CFHR4: variants seen among roughly 807,000 people sequenced by gnomAD.
The protein encoded by CFHR4 is complement factor H-related protein 4.
CFHR4 carries 64 observed loss-of-function variants against 69.3 expected under a neutral mutation model. That is an observed-to-expected ratio of 0.92 (90% confidence interval 0.76 to 1.14). The LOEUF is 1.14. Among genes scored for constraint, CFHR4 ranks in the 50% most tolerant of loss-of-function variants. The pLI, the probability that CFHR4 is intolerant of heterozygous loss-of-function variation, is 0.00. For missense variants in CFHR4, 636 were observed against 684.9 expected (o/e 0.93, Z 0.80); for synonymous variants, 244 against 237.0 (o/e 1.03, Z -0.27).
At chr1:196,901,100 G>T (rs1470622957) in intron 1 of CFHR4, among the ~76,000 whole-genome samples, 1 of 151,520 alleles carries the variant, frequency 6.6e-6, no homozygotes, top group Non-Finnish European at 1.5e-5. Flanking sequence ...TGACAAGACA[G>T]ATTTTATTTG....
At chr1:196,900,690 A>C (rs1243011541) in intron 1 of CFHR4, among the ~76,000 whole-genome samples, 1 of 151,476 alleles carries the variant, frequency 6.6e-6, no homozygotes, top group African/African-American at 2.4e-5. Flanking sequence ...ATCTATGTTG[A>C]AGTATCATAA....
At chr1:196,892,249 A>G (rs149657619) in intron 1 of CFHR4, among the ~76,000 whole-genome samples, 1 of 151,698 alleles carries the variant, frequency 6.6e-6, no homozygotes, top group African/African-American at 2.4e-5. Flanking sequence ...TAAGTGGAGC[A>G]ATAAAATGAC....
At position 196,901,334 on chromosome 1, in the gene CFHR4, G is replaced by A. The variant is rs115327042; in HGVS notation, c.59-1084G>A. ...ATCTATACCTAGAGAAGTTACTCAC[G>A]TATCTTTTAAATGAAGATACTTAAG... On this transcript the variant is annotated intron_variant, in intron 1 of 9. Transcript: ENST00000608469. Among the ~76,000 whole-genome samples, 881 of 151,008 alleles carry A rather than the reference G, an allele frequency of 5.8e-3. 48 individuals are homozygous for A. The highest frequency in any genetic ancestry group is 0.021 in the African/African-American group (846 of 40,988).
intron 3 of CFHR4, among the ~76,000 whole-genome samples, chr1:196,906,570 T>C (rs370020047): frequency 2.3e-4 from 35 of 151,634 alleles, no homozygotes; most frequent in East Asian, 2.1e-3. Flanking sequence ...AGGTAGACTG[T>C]AATAACAGTC....
chr1:196,908,100 C>G (rs1351979654), intron 5 of CFHR4, among the ~76,000 whole-genome samples: 1 of 151,224 alleles, frequency 6.6e-6, no homozygotes, highest in African/African-American at 2.4e-5. Context: ...GATGTGGGAA[C>G]TGAACAAGGA....
rs1449272762 is a variant in CFHR4, at chr1:196,916,753, CA to C, written c.1541-1453del. ...GACACTCCTAAGATGGGTTTCACAG[CA>C]AAAGCATTACCTCTTCTCACAATCA... On this transcript the variant is annotated intron_variant, in intron 9 of 9. Transcript: ENST00000608469. 7.9e-5 allele frequency among the ~76,000 whole-genome samples: 12 copies of C among 151,524 alleles called. 1 individual carries two copies. Among genetic ancestry groups the C allele is most frequent in the African/African-American group, 2.9e-4 (12 of 41,120 alleles).
chr1:196,902,608 A>G lies in CFHR4; in HGVS notation c.249A>G (p.Pro83=). 1 of 1,607,700 alleles carries G rather than the reference A, an allele frequency of 6.2e-7. No individual in the cohort carries two copies. Among genetic ancestry groups the G allele is most frequent in the Non-Finnish European group, 8.5e-7 (1 of 1,175,382 alleles). The change falls in exon 2 of 10, where the codon CCA becomes CCG. Residue 83 remains proline (P), a synonymous_variant. Transcript: ENST00000608469. ...AAGATGGTTGGTCACCAACGGTCCC[A>G]TGCCTCAGTAAGTAAACCTCTTTAC... ...CTQDGWSPTV[P]CLRTCSKSDV... is the part of the protein sequence containing the mutation.
chr1:196,910,580 C>A, intron 6 of CFHR4, 102 bp downstream of exon 6: 1 of 963,650 alleles, frequency 1.0e-6, no homozygotes, highest in Non-Finnish European at 1.6e-6. Context: ...AGAGATGGTA[C>A]CAAAGGAAGA....
rs756672394 is a variant in CFHR4 at position 196,907,412 on chromosome 1, A to C, written c.713A>C (p.Tyr238Ser). 39 of 1,611,952 alleles carry C rather than the reference A, an allele frequency of 2.4e-5. No homozygotes were observed. Among genetic ancestry groups the C allele is most frequent in the Non-Finnish European group, 3.1e-5 (37 of 1,179,064 alleles). ...TATCTGCCATGGTCAAGAGTCGAGT[A>C]CCAGTGCCAGTCCTACTATGAACTT... Reference protein sequence around the residue: ...KVYLPWSRVEYQCQSYYELQG... With the variant: ...KVYLPWSRVESQCQSYYELQG... The change falls in exon 5 of 10, where the codon TAC (tyrosine) becomes TCC (serine). Residue 238 changes from tyrosine to serine, a missense_variant. Tyr to Ser is a moderately radical substitution (Grantham distance 144, BLOSUM62 -2). Around this residue, in one of 3 missense-constraint regions of CFHR4, gnomAD observed 529 missense variants for 533.2 expected, o/e 0.99. Coordinates refer to ENST00000608469, the MANE Select transcript of CFHR4 (RefSeq NM_001201550.3).
chr1:196,913,929 A>G (rs772852520), intron 7 of CFHR4, among the ~76,000 whole-genome samples: 1 of 151,552 alleles, frequency 6.6e-6, no homozygotes, highest in Admixed American at 6.6e-5. Flanking sequence ...TTCAATTTCT[A>G]TGCTTATCAT....
intron 9 of CFHR4, among the ~76,000 whole-genome samples, chr1:196,916,901 G>T (rs1658668639): frequency 1.3e-5 from 2 of 151,476 alleles, no homozygotes; most frequent in African/African-American, 4.9e-5. Flanking sequence ...TAGGGAAAAA[G>T]GCAACCTTAT....
At position 196,897,304 on chromosome 1, in the gene CFHR4, A is replaced by G. The variant is rs1277514914; in HGVS notation, c.59-5114A>G. On this transcript the variant is annotated intron_variant, in intron 1 of 9. Transcript: ENST00000608469. ...TGCTTTTGAGCTCTGGCCCCACGGCAGCGTCTAGGGTAGGCGTCTGTGAGT... is the reference window on the plus strand; with the variant it reads ...TGCTTTTGAGCTCTGGCCCCACGGCGGCGTCTAGGGTAGGCGTCTGTGAGT... 2.6e-5 allele frequency among the ~76,000 whole-genome samples: 4 copies of G among 151,398 alleles called. 1 individual carries two copies.
chr1:196,905,755 CAAT>C (rs1292669707), intron 3 of CFHR4, among the ~76,000 whole-genome samples: 2 of 151,346 alleles, frequency 1.3e-5, no homozygotes, highest in African/African-American at 2.4e-5. Flanking sequence ...TAATTTGTAT[CAAT>C]GATGCAACTG....
intron 6 of CFHR4, among the ~76,000 whole-genome samples, chr1:196,910,752 G>A (rs1256215391): frequency 6.6e-6 from 1 of 151,376 alleles, no homozygotes; most frequent in East Asian, 1.9e-4. Flanking sequence ...TGACCTTTTT[G>A]TACAAACATT....
At chr1:196,908,642 C>A (rs759167471) in intron 5 of CFHR4, among the ~76,000 whole-genome samples, 16 of 151,262 alleles carry the variant, frequency 1.1e-4, no homozygotes, top group Non-Finnish European at 2.2e-4. Flanking sequence ...AAAATATGAG[C>A]CAAAATAATT....
chr1:196,907,614 T>A, intron 5 of CFHR4, 116 bp downstream of exon 5: 1 of 803,148 alleles, frequency 1.2e-6, no homozygotes, highest in Non-Finnish European at 1.9e-6. Flanking sequence ...AAACAGCTAT[T>A]CTGCTGAATA....
In CFHR4 at chr1:196,896,699, T is replaced by A. The variant is rs573405063; in HGVS notation, c.59-5719T>A. On this transcript the variant is annotated intron_variant, in intron 1 of 9. Transcript: ENST00000608469. The stretch of plus-strand genomic sequence containing the variant: ...GACTGAATGTGAGTGCAACTTACGA[T>A]CCAAGTCATCCCTAGAAGTTGTAGG... 2.8e-3 allele frequency among the ~76,000 whole-genome samples: 422 copies of A among 151,532 alleles called. 10 individuals carry two copies. Among genetic ancestry groups the A allele is most frequent in the Admixed American group, 0.01 (156 of 15,222 alleles).
intron 2 of CFHR4, 131 bp downstream of exon 2, chr1:196,902,746 A>T: frequency 1.6e-6 from 1 of 636,388 alleles, no homozygotes; most frequent in Non-Finnish European, 2.6e-6. Context: ...AAAAAGACCA[A>T]AATGGATCTT....
At chr1:196,913,004 A>T in intron 7 of CFHR4, 82 bp downstream of exon 7, 2 of 1,598,502 alleles carry the variant, frequency 1.3e-6, no homozygotes, top group Non-Finnish European at 1.7e-6. Flanking sequence ...TTAAAAATAT[A>T]GAAAACACTT....
Sources: allele counts gnomAD v4.1 joint callset (sites outside exome capture counted in the v4.1 genomes callset), GRCh38; gene constraint gnomAD v4.1.1; regional missense constraint gnomAD v4.1.1; transcripts MANE v1.5; gene names NCBI Gene and HGNC (gene_info 2026-07-23, HGNC 2026-07-21).